The following COG5 variants were observed in gnomAD, a reference collection of about 807,000 sequenced individuals.
COG5 encodes conserved oligomeric Golgi complex subunit 5.
Under a neutral mutation model 110.4 loss-of-function variants are expected in COG5, and 86 were observed. The ratio of observed to expected loss-of-function variants is 0.78; its 90% CI spans 0.65 to 0.93. COG5 has a LOEUF of 0.93. Ranked by LOEUF, COG5 falls within the 40% of genes least tolerant of loss-of-function variation. The pLI is 0.00. For synonymous variants in COG5, 360 were observed against 334.6 expected (o/e 1.08, Z -0.83); for missense variants, 1,077 against 987.0 (o/e 1.09, Z -1.22).
At chr7:107,358,709 T>C (rs145332475) in intron 10 of COG5, among the ~76,000 whole-genome samples, 242 of 152,302 alleles carry the variant, frequency 1.6e-3, no homozygotes, top group African/African-American at 5.6e-3. Context: ...GAGTCTAGAA[T>C]TTTGGTATGT....
intron 6 of COG5, among the ~76,000 whole-genome samples, chr7:107,513,980 A>G (rs1311203349): frequency 2.6e-5 from 4 of 152,064 alleles, no homozygotes; most frequent in Non-Finnish European, 4.4e-5. Context: ...GCACACCAAC[A>G]TGGCACATGT....
At chr7:107,308,639 G>A (rs954759014) in intron 11 of COG5, among the ~76,000 whole-genome samples, 1 of 151,826 alleles carries the variant, frequency 6.6e-6, no homozygotes, top group African/African-American at 2.4e-5. Context: ...GTTTCTCTGA[G>A]GTATCATTTG....
At chr7:107,383,018 G>T (rs1314408927) in intron 7 of COG5, among the ~76,000 whole-genome samples, 3 of 152,052 alleles carry the variant, frequency 2.0e-5, no homozygotes, top group Non-Finnish European at 4.4e-5. Context: ...TGCAAATCCT[G>T]CCAGGTGATG....
chr7:107,509,929 C>T (rs1799368936), intron 6 of COG5, among the ~76,000 whole-genome samples: 1 of 152,150 alleles, frequency 6.6e-6, no homozygotes, highest in Admixed American at 6.5e-5. Flanking sequence ...CAACCGGTAC[C>T]AGCCACTGCA....
At chr7:107,279,964 A>G (rs1354356647) in intron 14 of COG5, among the ~76,000 whole-genome samples, 1 of 151,974 alleles carries the variant, frequency 6.6e-6, no homozygotes, top group Non-Finnish European at 1.5e-5. Flanking sequence ...TACCATTACC[A>G]CTGTCCCTCC....
chr7:107,557,914 A>G lies in COG5; in HGVS notation c.234+62T>C, dbSNP rs932355520. ...ATGCATTTGTATTTAATAAGATTAC[A>G]AAAATGCTAAATTATCACTTTAGGC... On this transcript the variant is annotated intron_variant, in intron 2 of 21. Coordinates refer to ENST00000297135, the MANE Select transcript of COG5 (RefSeq NM_006348.5). The G allele has an allele frequency of 5.1e-6, 8 of 1,575,062 alleles. No homozygotes were observed. The African/African-American group carries it at 9.4e-5, about 19-fold the overall frequency.
rs537995861 is a variant in COG5, at chr7:107,213,314, G to A, written c.2169-2089C>T. The stretch of plus-strand genomic sequence containing the variant: ...CACAGTGCATTTTTTGAAGAGAACA[G>A]TGGCTAGACTTGCCCAAACCCTGAA... On this transcript the variant is annotated intron_variant, in intron 19 of 21. Coordinates refer to ENST00000297135, the MANE Select transcript of COG5 (RefSeq NM_006348.5). Among the ~76,000 whole-genome samples, 3 of 152,260 alleles carry A rather than the reference G, an allele frequency of 2.0e-5. No homozygotes were observed. In the South Asian group the frequency reaches 6.2e-4, roughly 32 times the overall value.
At chr7:107,205,567 T>C (rs895383245) in intron 21 of COG5, among the ~76,000 whole-genome samples, 23 of 152,214 alleles carry the variant, frequency 1.5e-4, no homozygotes, top group Non-Finnish European at 2.6e-4. Flanking sequence ...AAGTAGGGGG[T>C]GCCAAAGGGC....
chr7:107,365,076 T>C (rs1584733400), intron 8 of COG5, among the ~76,000 whole-genome samples: 1 of 152,256 alleles, frequency 6.6e-6, no homozygotes, highest in East Asian at 1.9e-4. Context: ...ATGTATGACT[T>C]GGTTTTATTA....
intron 6 of COG5, among the ~76,000 whole-genome samples, chr7:107,421,007 G>A (rs1324554621): frequency 2.6e-5 from 4 of 152,112 alleles, no homozygotes; most frequent in Non-Finnish European, 5.9e-5. Flanking sequence ...ATGAGAATTA[G>A]TTTTCCTTTC....
chr7:107,271,619 T>C (rs6955667), intron 14 of COG5, among the ~76,000 whole-genome samples: 2,895 of 152,234 alleles, frequency 0.019, 89 homozygotes, highest in African/African-American at 0.064. Flanking sequence ...AGCTGGTAGA[T>C]AGAAATAGTT....
At chr7:107,417,842 CTT>C (rs943477469) in intron 6 of COG5, among the ~76,000 whole-genome samples, 1 of 151,962 alleles carries the variant, frequency 6.6e-6, no homozygotes, top group Non-Finnish European at 1.5e-5. Flanking sequence ...TTTTTGCTCC[CTT>C]TTTGTCTTAA....
chr7:107,341,889 T>G (rs1032049888), intron 10 of COG5, among the ~76,000 whole-genome samples: 1 of 152,200 alleles, frequency 6.6e-6, no homozygotes, highest in Non-Finnish European at 1.5e-5. Context: ...CTAAGGTGGA[T>G]TGAAGATTTA....
At chr7:107,269,694 A>G (rs1478020912) in intron 14 of COG5, among the ~76,000 whole-genome samples, 1 of 152,056 alleles carries the variant, frequency 6.6e-6, no homozygotes, top group African/African-American at 2.4e-5. Flanking sequence ...AGATTTACCT[A>G]TATGTTTATC....
At chr7:107,461,867 T>C (rs1370040826) in intron 6 of COG5, among the ~76,000 whole-genome samples, 2 of 152,228 alleles carry the variant, frequency 1.3e-5, no homozygotes, top group East Asian at 1.9e-4. Flanking sequence ...AATTACAAAA[T>C]ATTACCAAGA....
chr7:107,399,118 C>T (rs1791234750), intron 7 of COG5, among the ~76,000 whole-genome samples: 1 of 152,022 alleles, frequency 6.6e-6, no homozygotes, highest in African/African-American at 2.4e-5. Context: ...AGGAAAATTG[C>T]TTGATTCCAG....
chr7:107,385,292 G>C (rs1790104766), intron 7 of COG5, among the ~76,000 whole-genome samples: 1 of 152,142 alleles, frequency 6.6e-6, no homozygotes, highest in African/African-American at 2.4e-5. Flanking sequence ...TTGACTCCCA[G>C]CTTCCAGAAC....
chr7:107,349,091 C>T (rs544644957), intron 10 of COG5, among the ~76,000 whole-genome samples: 1 of 152,064 alleles, frequency 6.6e-6, no homozygotes, highest in Non-Finnish European at 1.5e-5. Context: ...TATAAAAGTA[C>T]AACTTTTGCA....
At chr7:107,221,181 G>C (rs1049852151) in intron 19 of COG5, among the ~76,000 whole-genome samples, 2 of 151,474 alleles carry the variant, frequency 1.3e-5, no homozygotes, top group Non-Finnish European at 2.9e-5. Context: ...GGTCCTGTGA[G>C]TTTTCCCTTT....
Sources: gnomAD v4.1 joint callset for allele counts (sites outside exome capture counted in the v4.1 genomes callset) on GRCh38, gnomAD v4.1.1 for gene constraint, MANE v1.5 for transcripts, NCBI Gene and HGNC (gene_info 2026-07-23, HGNC 2026-07-21) for gene names.